CLIP1: variants seen among roughly 807,000 people sequenced by gnomAD.
CLIP1 encodes CAP-Gly domain containing linker protein 1.
A neutral mutation model predicts 161.6 loss-of-function variants in CLIP1; 66 were observed. The ratio of observed to expected loss-of-function variants is 0.41; its 90% CI spans 0.33 to 0.50. The LOEUF (loss-of-function observed/expected upper bound fraction) is 0.50. CLIP1 is among the 20% of genes least tolerant of loss of function. The pLI is 0.27. For synonymous variants in CLIP1, 598 were observed against 626.2 expected (o/e 0.96, Z 0.67); for missense variants, 1,376 against 1,702.0 (o/e 0.81, Z 3.37).
chr12:122,275,642 G>GCACACACACA (rs1391112059), intron 24 of CLIP1: 2,475 of 109,990 alleles, frequency 0.023, 38 homozygotes, highest in Admixed American at 0.037. Flanking sequence ...ACACACACAC[G>GCACACACACA]CGCACACACA....
chr12:122,389,708 G>C (rs900185458), intron 1 of CLIP1, among the ~76,000 whole-genome samples: 1 of 124,148 alleles, frequency 8.1e-6, no homozygotes, highest in African/African-American at 3.0e-5. Context: ...GCAGTGAGTC[G>C]AGATCGCACC....
At chr12:122,333,383 T>C (rs576525383) in intron 14 of CLIP1, among the ~76,000 whole-genome samples, 1 of 152,242 alleles carries the variant, frequency 6.6e-6, no homozygotes, top group South Asian at 2.1e-4. Flanking sequence ...GAGGTTAGAA[T>C]CTCAGATGGG....
In CLIP1 at chr12:122,386,681, A is replaced by T. The variant is rs536266093; in HGVS notation, c.-106-6123T>A. 4.6e-5 allele frequency among the ~76,000 whole-genome samples: 7 copies of T among 152,296 alleles called. No homozygotes were observed. In the East Asian group the frequency reaches 9.6e-4, roughly 21 times the overall value. On this transcript the variant is annotated intron_variant, in intron 1 of 25. Coordinates refer to ENST00000620786, the MANE Select transcript of CLIP1 (RefSeq NM_001247997.2). ...TCAATTTGTGTGATTCAAGAATCTAATCTTTGAGTAAACGATTTTTTTAAA... is the reference window on the plus strand; with the variant it reads ...TCAATTTGTGTGATTCAAGAATCTATTCTTTGAGTAAACGATTTTTTTAAA...
chr12:122,273,212 G>A, intron 25 of CLIP1, 112 bp from the exon 26 acceptor site: 2 of 786,198 alleles, frequency 2.5e-6, no homozygotes, highest in Non-Finnish European at 4.1e-6. Context: ...CCAAGTCTGT[G>A]AGCTTCCAGT....
At position 122,272,621 on chromosome 12, in the gene CLIP1, G is replaced by T; in HGVS notation, c.*254C>A. ...GGGGCCAATAAATGTAATGGCATCT[G>T]GTGCAATGTCTTCAAACGTAAAAAT... On this transcript the variant is annotated 3_prime_UTR_variant, in exon 26 of 26. Transcript: ENST00000620786. 2.2e-6 allele frequency: 1 copy of T among 459,676 alleles called. No homozygotes were observed. The highest frequency in any genetic ancestry group is 2.7e-5 in the South Asian group (1 of 37,224). 28.5% of individuals were successfully genotyped at this position (459,676 alleles called of 1,614,324 possible). A position where few individuals can be genotyped will look rare whatever the true frequency, so the allele number is the denominator to read the frequency against.
At chr12:122,367,348 C>A (rs1954221089) in intron 3 of CLIP1, among the ~76,000 whole-genome samples, 1 of 152,134 alleles carries the variant, frequency 6.6e-6, no homozygotes, top group African/African-American at 2.4e-5. Flanking sequence ...TTCTTATATT[C>A]TTTCTCCCAC....
intron 1 of CLIP1, 70 bp downstream of exon 1, chr12:122,422,451 A>T (rs1177915522): frequency 6.6e-6 from 1 of 151,296 alleles, no homozygotes; most frequent in Non-Finnish European, 1.5e-5. Flanking sequence ...CGGGCCCCGC[A>T]GGCCGGGAAG....
Position 122,272,894 on chromosome 12 carries a change from T to G in CLIP1, c.4298A>C (p.Asn1433Thr). The G allele has an allele frequency of 6.2e-7, 1 of 1,614,240 alleles. No individual in the cohort carries two copies. The change falls in exon 26 of 26, where the codon AAT becomes ACT. Residue 1433 changes from asparagine to threonine, a missense_variant. By Grantham distance (65) the Asn-to-Thr change is moderately conservative (BLOSUM62 0). This residue lies in a region of CLIP1 where 948 missense variants were observed against 1,134.8 expected (regional missense o/e 0.84). Transcript: ENST00000620786. ...GCTTCATCAGAAGGTTTCGTCGTCA[T>G]TGCAGTTGGTGGCCCAGTGTCCAAA... ...EMFGHWATNC[N>T]DDETF
At chr12:122,294,343 A>C (rs866064760) in intron 20 of CLIP1, among the ~76,000 whole-genome samples, 14 of 108,912 alleles carry the variant, frequency 1.3e-4, no homozygotes, top group African/African-American at 3.2e-4. Context: ...AAAAAAAAAA[A>C]CAAAAAAAAA....
At chr12:122,329,547 G>A (rs950254145) in intron 15 of CLIP1, among the ~76,000 whole-genome samples, 6 of 149,926 alleles carry the variant, frequency 4.0e-5, no homozygotes, top group Admixed American at 6.6e-5. Flanking sequence ...AGAGAATGGC[G>A]TGAACCTGGG....
chr12:122,289,107 C>T (rs974232554), intron 20 of CLIP1, among the ~76,000 whole-genome samples: 5 of 150,784 alleles, frequency 3.3e-5, no homozygotes, highest in East Asian at 2.0e-4. Context: ...TGAGCCACCG[C>T]GCCTGGCCCA....
chr12:122,328,854 T>C (rs1951816454), intron 15 of CLIP1, among the ~76,000 whole-genome samples: 1 of 152,206 alleles, frequency 6.6e-6, no homozygotes, highest in Non-Finnish European at 1.5e-5. Context: ...GTGTTAGGAT[T>C]ACAGGCGTGA....
intron 9 of CLIP1, 85 bp downstream of exon 9, chr12:122,351,026 T>G: frequency 1.0e-6 from 1 of 994,076 alleles, no homozygotes. Context: ...ATGCAGTTAG[T>G]GTTTGAGTAT....
chr12:122,365,443 C>T, intron 3 of CLIP1: 2 of 782,978 alleles, frequency 2.6e-6, no homozygotes, highest in African/African-American at 1.7e-5. Flanking sequence ...ACATTAAGCA[C>T]TCTAAGAGCC....
At chr12:122,308,928 A>C (rs1002202434) in intron 20 of CLIP1, among the ~76,000 whole-genome samples, 10 of 152,254 alleles carry the variant, frequency 6.6e-5, no homozygotes, top group Non-Finnish European at 8.8e-5. Context: ...AGTAAGAATT[A>C]ATGTTTGCAA....
At chr12:122,359,062 A>G (rs767513404) in intron 5 of CLIP1, among the ~76,000 whole-genome samples, 7 of 152,206 alleles carry the variant, frequency 4.6e-5, no homozygotes, top group Non-Finnish European at 8.8e-5. Flanking sequence ...TCCATCTCAA[A>G]AAAATAAAAA....
chr12:122,300,500 T>A (rs912222328), intron 20 of CLIP1, among the ~76,000 whole-genome samples: 2 of 152,250 alleles, frequency 1.3e-5, no homozygotes, highest in African/African-American at 4.8e-5. Flanking sequence ...TACATTTGTT[T>A]TGTAAAATTT....
intron 1 of CLIP1, among the ~76,000 whole-genome samples, chr12:122,416,188 G>T (rs1427557580): frequency 1.3e-5 from 2 of 152,124 alleles, no homozygotes; most frequent in African/African-American, 4.8e-5. Context: ...AGTGAGCCAA[G>T]ATAGCGCCAC....
In CLIP1 at chr12:122,323,917, C is replaced by T. The variant is rs1593067323; in HGVS notation, c.3249+4030G>A. 6.5e-6 allele frequency: 1 copy of T among 152,676 alleles called. No homozygotes were observed. The highest frequency in any genetic ancestry group is 1.9e-4 in the East Asian group (1 of 5,184). The allele number at this position is 152,676 out of a possible 1,614,324, so 9.5% of individuals were successfully genotyped here. A position where few individuals can be genotyped will look rare whatever the true frequency, so the allele number is the denominator to read the frequency against. On this transcript the variant is annotated intron_variant, in intron 17 of 25. Coordinates refer to ENST00000620786, the MANE Select transcript of CLIP1 (RefSeq NM_001247997.2). The surrounding 1 kb of genome is among the most constrained non-coding windows in gnomAD (Gnocchi z 4.1). ...CCAGGTGATCTTTTTCTTCCTGGTC[C>T]TTCTCAGTCTTAGCAATCAAAGTAT...
Sources: allele counts gnomAD v4.1 joint callset (sites outside exome capture counted in the v4.1 genomes callset), GRCh38; gene constraint gnomAD v4.1.1; regional missense constraint gnomAD v4.1.1; non-coding constraint Gnocchi (gnomAD v3.1); transcripts MANE v1.5; gene names NCBI Gene and HGNC (gene_info 2026-07-23, HGNC 2026-07-21).